The following FLRT2 variants were observed in gnomAD, a reference collection of about 807,000 sequenced individuals.
The protein encoded by FLRT2 is leucine-rich repeat transmembrane protein FLRT2.
FLRT2 carries 15 observed loss-of-function variants against 40.0 expected under a neutral mutation model. The ratio of observed to expected loss-of-function variants is 0.38; its 90% CI spans 0.25 to 0.58. The LOEUF is 0.58. FLRT2 is among the 20% of genes least tolerant of loss of function. The pLI is 0.71. For missense variants in FLRT2, 726 were observed against 840.0 expected (o/e 0.86, Z 1.68); for synonymous variants, 380 against 336.8 (o/e 1.13, Z -1.41).
In FLRT2 at chr14:85,627,353, T is replaced by G. The variant is rs1004999790; in HGVS notation, c.*3856T>G. 4 of 167,096 alleles carry G rather than the reference T, an allele frequency of 2.4e-5. No individual in the cohort carries two copies. The highest frequency in any genetic ancestry group is 9.6e-5 in the African/African-American group (4 of 41,464). 10.4% of individuals were successfully genotyped at this position (167,096 alleles called of 1,614,324 possible). On this transcript the variant is annotated 3_prime_UTR_variant, in exon 2 of 2. Coordinates refer to ENST00000330753, the MANE Select transcript of FLRT2 (RefSeq NM_013231.6). ...GAATGCTAAGAAGGCATAACCTACATCCTTCTCTGATTTCTTCAGCAGGGT... is the reference window on the plus strand; with the variant it reads ...GAATGCTAAGAAGGCATAACCTACAGCCTTCTCTGATTTCTTCAGCAGGGT...
At chr14:85,590,552 C>A (rs958467456) in intron 1 of FLRT2, among the ~76,000 whole-genome samples, 5 of 152,060 alleles carry the variant, frequency 3.3e-5, no homozygotes, top group Non-Finnish European at 7.4e-5. Flanking sequence ...CAGTATCATG[C>A]ATATGGAGAA....
At chr14:85,573,005 T>C (rs571863663) in intron 1 of FLRT2, among the ~76,000 whole-genome samples, 47 of 152,230 alleles carry the variant, frequency 3.1e-4, no homozygotes, top group African/African-American at 1.1e-3. Context: ...AGTTTTTTAG[T>C]CATTCCTATC....
Position 85,628,473 on chromosome 14 carries a change from G to T in FLRT2, c.*4976G>T, listed in dbSNP as rs1179016951. 2.0e-5 allele frequency: 3 copies of T among 152,080 alleles called. No homozygotes were observed. The highest frequency in any genetic ancestry group is 4.4e-5 in the Non-Finnish European group (3 of 68,020). 9.4% of individuals were successfully genotyped at this position (152,080 alleles called of 1,614,324 possible). ...GGTTTTAAATGTCAGATTTCTTTAAGAATTCTCATAGTACTTTTCTGCCGC... is the reference window on the plus strand; with the variant it reads ...GGTTTTAAATGTCAGATTTCTTTAATAATTCTCATAGTACTTTTCTGCCGC... On this transcript the variant is annotated 3_prime_UTR_variant, in exon 2 of 2. Coordinates refer to ENST00000330753, the MANE Select transcript of FLRT2 (RefSeq NM_013231.6).
chr14:85,583,724 G>T (rs1271797138), intron 1 of FLRT2, among the ~76,000 whole-genome samples: 2 of 152,148 alleles, frequency 1.3e-5, no homozygotes, highest in African/African-American at 4.8e-5. Context: ...TGATTGCCAT[G>T]CCCTAGAAAG....
chr14:85,587,331 A>G (rs1891668235), intron 1 of FLRT2, among the ~76,000 whole-genome samples: 1 of 151,396 alleles, frequency 6.6e-6, no homozygotes, highest in Non-Finnish European at 1.5e-5. Context: ...CATCTTGATC[A>G]TTGTAATTGG....
At chr14:85,573,049 C>A (rs1186904694) in intron 1 of FLRT2, among the ~76,000 whole-genome samples, 1 of 152,112 alleles carries the variant, frequency 6.6e-6, no homozygotes, top group Non-Finnish European at 1.5e-5. Context: ...GCATACATTT[C>A]TTTGTGAGTC....
Position 85,543,527 on chromosome 14 carries a change from TA to T in FLRT2, c.-377+13005del, listed in dbSNP as rs35979389. ...TTTGGTGTCCCCAGAATTAATTTTC[TA>T]AAAAAAAAAAATAAAGAAATCACAT... On this transcript the variant is annotated intron_variant, in intron 1 of 1. Coordinates refer to ENST00000330753, the MANE Select transcript of FLRT2 (RefSeq NM_013231.6). Among the ~76,000 whole-genome samples the T allele has an allele frequency of 1.5e-3, 219 of 146,500 alleles. 1 individual carries two copies. The highest frequency in any genetic ancestry group is 3.3e-3 in the African/African-American group (133 of 39,966).
At chr14:85,616,404 T>C (rs1377545641) in intron 1 of FLRT2, among the ~76,000 whole-genome samples, 2 of 152,186 alleles carry the variant, frequency 1.3e-5, no homozygotes, top group Non-Finnish European at 2.9e-5. Context: ...TTTAGACTTA[T>C]AGGTGACATG....
chr14:85,637,326 C>A lies in FLRT2; in HGVS notation c.*13829C>A, dbSNP rs537969686. 6.6e-6 allele frequency: 1 copy of A among 152,160 alleles called. No individual in the cohort carries two copies. Among genetic ancestry groups the A allele is most frequent in the Non-Finnish European group, 1.5e-5 (1 of 68,026 alleles). 9.4% of individuals were successfully genotyped at this position (152,160 alleles called of 1,614,324 possible). ...ATAGACATGGTAGGAAAAGCATTAG[C>A]TTTGGCGTTCAAATATTGACTCATT... is the stretch of plus-strand genomic sequence containing the variant. On this transcript the variant is annotated 3_prime_UTR_variant, in exon 2 of 2. Coordinates refer to ENST00000330753, the MANE Select transcript of FLRT2 (RefSeq NM_013231.6).
rs1182532491 is a variant in FLRT2 at position 85,631,258 on chromosome 14, A to G, written c.*7761A>G. 2 of 151,636 alleles carry G rather than the reference A, an allele frequency of 1.3e-5. No homozygotes were observed. Among genetic ancestry groups the G allele is most frequent in the African/African-American group, 4.9e-5 (2 of 41,164 alleles). 9.4% of individuals were successfully genotyped at this position (151,636 alleles called of 1,614,324 possible). Reference sequence around the variant, plus strand: ...TTGCCTGATGACATATTTGTCCTTTAAGATACAAGTCAAAGACCTCTCTTC... The same window carrying G: ...TTGCCTGATGACATATTTGTCCTTTGAGATACAAGTCAAAGACCTCTCTTC... On this transcript the variant is annotated 3_prime_UTR_variant, in exon 2 of 2. Transcript: ENST00000330753.
At chr14:85,570,765 T>C (rs1044104488) in intron 1 of FLRT2, among the ~76,000 whole-genome samples, 2 of 151,648 alleles carry the variant, frequency 1.3e-5, no homozygotes, top group Non-Finnish European at 2.9e-5. Context: ...GTATTTTTTT[T>C]TAGTAGAGAC....
At position 85,648,482 on chromosome 14, in the gene FLRT2, T is replaced by C. The variant is rs910943773; in HGVS notation, c.*24985T>C. ...TTTGATTAGCAAGTTTGCTAAGACA[T>C]GAGTGTCAAGGGAAGTTGAGGTGGA... On this transcript the variant is annotated 3_prime_UTR_variant, in exon 2 of 2. Coordinates refer to ENST00000330753, the MANE Select transcript of FLRT2 (RefSeq NM_013231.6). 1 of 152,178 alleles carries C rather than the reference T, an allele frequency of 6.6e-6. No homozygotes were observed. Among genetic ancestry groups the C allele is most frequent in the African/African-American group, 2.4e-5 (1 of 41,464 alleles). The allele number at this position is 152,178 out of a possible 1,614,324, so 9.4% of individuals were successfully genotyped here.
At chr14:85,610,469 C>T (rs1163864839) in intron 1 of FLRT2, among the ~76,000 whole-genome samples, 10 of 152,120 alleles carry the variant, frequency 6.6e-5, no homozygotes, top group South Asian at 2.1e-4. Flanking sequence ...TTTTCATTGC[C>T]GTGAGAATAG....
In FLRT2 at chr14:85,630,538, A is replaced by T. The variant is rs1648983058; in HGVS notation, c.*7041A>T. On this transcript the variant is annotated 3_prime_UTR_variant, in exon 2 of 2. Transcript: ENST00000330753. ...GAGGCCTGGTAAGTTCTGGTGCAGA[A>T]TAAGAATGTTTTCCAGGAGAGTTAA... 6.6e-6 allele frequency: 1 copy of T among 152,176 alleles called. No individual in the cohort carries two copies. The highest frequency in any genetic ancestry group is 2.1e-4 in the South Asian group (1 of 4,834). 9.4% of individuals were successfully genotyped at this position (152,176 alleles called of 1,614,324 possible).
intron 1 of FLRT2, among the ~76,000 whole-genome samples, chr14:85,595,726 T>C (rs72693213): frequency 0.021 from 3,271 of 152,270 alleles, 55 homozygotes; most frequent in Non-Finnish European, 0.033. Context: ...AAAATTTTCT[T>C]TGAAGCCCTG....
At chr14:85,605,083 G>A (rs1204721356) in intron 1 of FLRT2, among the ~76,000 whole-genome samples, 1 of 152,174 alleles carries the variant, frequency 6.6e-6, no homozygotes, top group Non-Finnish European at 1.5e-5. Context: ...CTTTAACTGA[G>A]CGTTTTCATC....
At chr14:85,603,074 G>T (rs1188845006) in intron 1 of FLRT2, among the ~76,000 whole-genome samples, 1 of 152,084 alleles carries the variant, frequency 6.6e-6, no homozygotes, top group Admixed American at 6.5e-5. Flanking sequence ...TCTCTTTTGT[G>T]TCTGGGTATA....
intron 1 of FLRT2, among the ~76,000 whole-genome samples, chr14:85,537,142 G>A (rs1032324213): frequency 3.3e-5 from 5 of 152,098 alleles, no homozygotes; most frequent in East Asian, 1.9e-4. Context: ...TAAACAGATG[G>A]TCCTTTTAAG....
At chr14:85,605,437 C>A (rs1194521471) in intron 1 of FLRT2, among the ~76,000 whole-genome samples, 1 of 152,128 alleles carries the variant, frequency 6.6e-6, no homozygotes, top group Non-Finnish European at 1.5e-5. Flanking sequence ...ATAATTGGGA[C>A]AGTTACTTCA....
Sources: allele counts gnomAD v4.1 joint callset (sites outside exome capture counted in the v4.1 genomes callset), GRCh38; gene constraint gnomAD v4.1.1; transcripts MANE v1.5; gene names NCBI Gene and HGNC (gene_info 2026-07-23, HGNC 2026-07-21).